SLC8A3: variants seen among roughly 807,000 people sequenced by gnomAD.
SLC8A3 encodes solute carrier family 8 member A3, also known as sodium/calcium exchanger 3.
A neutral mutation model predicts 65.4 loss-of-function variants in SLC8A3; 37 were observed. The observed-to-expected ratio is 0.57, with a 90% confidence interval of 0.44 to 0.74. The LOEUF is 0.74. Among genes scored for constraint, SLC8A3 ranks in the 30% least tolerant of loss-of-function variants. The probability of loss-of-function intolerance (pLI) is 0.00; values close to 1 mark genes in which losing one functional copy is unlikely to be tolerated. For missense variants in SLC8A3, 1,112 were observed against 1,172.1 expected (o/e 0.95, Z 0.75); for synonymous variants, 461 against 444.5 (o/e 1.04, Z -0.47).
At position 70,095,665 on chromosome 14, in the gene SLC8A3, G is replaced by C. The variant is rs139254097; in HGVS notation, c.1785-34726C>G. 1.6e-3 allele frequency among the ~76,000 whole-genome samples: 241 copies of C among 152,278 alleles called. 1 individual carries two copies. The highest frequency in any genetic ancestry group is 2.7e-3 in the Non-Finnish European group (187 of 68,026). On this transcript the variant is annotated intron_variant, in intron 2 of 6. Coordinates refer to ENST00000356921, the MANE Select transcript of SLC8A3 (RefSeq NM_182932.3). ...CCTGAAACAACGATATGTAAACTTGGGAGGGTGGATCCTGATTTTTCTATG... is the reference window on the plus strand; with the variant it reads ...CCTGAAACAACGATATGTAAACTTGCGAGGGTGGATCCTGATTTTTCTATG...
chr14:70,111,226 T>C (rs1194555284), intron 2 of SLC8A3, among the ~76,000 whole-genome samples: 1 of 152,204 alleles, frequency 6.6e-6, no homozygotes, highest in Non-Finnish European at 1.5e-5. Flanking sequence ...TGAAATAATA[T>C]CTCATTGTAG....
intron 3 of SLC8A3, 169 bp downstream of exon 3, chr14:70,060,667 G>A (rs1594908736): frequency 4.0e-6 from 3 of 748,306 alleles, no homozygotes; most frequent in South Asian, 2.7e-5. Flanking sequence ...CGAGAATACA[G>A]GAGGGAAAAG....
At chr14:70,169,184 A>G (rs1897340136) in intron 1 of SLC8A3, among the ~76,000 whole-genome samples, 1 of 152,162 alleles carries the variant, frequency 6.6e-6, no homozygotes, top group Non-Finnish European at 1.5e-5. Flanking sequence ...TTGGAAAGAA[A>G]CTTCCTCCCC....
At chr14:70,185,790 A>G (rs1883160325) in intron 1 of SLC8A3, among the ~76,000 whole-genome samples, 2 of 152,220 alleles carry the variant, frequency 1.3e-5, no homozygotes, top group African/African-American at 4.8e-5. Flanking sequence ...AATCACATAC[A>G]TAAATTTAAT....
chr14:70,069,773 G>A (rs192440074), intron 2 of SLC8A3, among the ~76,000 whole-genome samples: 5 of 152,158 alleles, frequency 3.3e-5, no homozygotes, highest in Admixed American at 1.3e-4. Context: ...TCTAATTGGC[G>A]TTCTCTTTAA....
chr14:70,050,452 A>C (rs551451089), intron 5 of SLC8A3, among the ~76,000 whole-genome samples: 4 of 152,318 alleles, frequency 2.6e-5, no homozygotes, highest in East Asian at 1.9e-4. Flanking sequence ...TCCAACCAGC[A>C]GTCCCCTCAG....
At position 70,060,817 on chromosome 14, in the gene SLC8A3, T is replaced by A. The variant is rs1261198102; in HGVS notation, c.1888+19A>T. The A allele has an allele frequency of 8.3e-7, 1 of 1,197,904 alleles. No individual in the cohort carries two copies. The highest frequency in any genetic ancestry group is 1.2e-6 in the Non-Finnish European group (1 of 813,898). The allele number at this position is 1,197,904 out of a possible 1,614,324, so 74.2% of individuals were successfully genotyped here. On this transcript the variant is annotated intron_variant, in intron 3 of 6. Transcript: ENST00000356921. ...TTCTTTCTTTTTTTTTGTTGTTTTG[T>A]TTTTAAAGAATCTCACACCTGATAT...
intron 2 of SLC8A3, among the ~76,000 whole-genome samples, chr14:70,080,807 A>T (rs2140001027): frequency 6.6e-6 from 1 of 152,316 alleles, no homozygotes; most frequent in East Asian, 1.9e-4. Context: ...AGCTGATGTA[A>T]AAAATTGCAC....
At chr14:70,147,732 A>G (rs968870000) in intron 2 of SLC8A3, among the ~76,000 whole-genome samples, 9 of 152,182 alleles carry the variant, frequency 5.9e-5, no homozygotes, top group Admixed American at 2.0e-4. Context: ...TGACCTTGGA[A>G]TCCACACCCC....
intron 1 of SLC8A3, among the ~76,000 whole-genome samples, chr14:70,181,847 G>GAGGAAA (rs1177983831): frequency 6.6e-6 from 1 of 152,204 alleles, no homozygotes; most frequent in Non-Finnish European, 1.5e-5. Flanking sequence ...TGAATTGAAA[G>GAGGAAA]AGGAAAAGGT....
chr14:70,117,387 C>A (rs1893741254), intron 2 of SLC8A3, among the ~76,000 whole-genome samples: 1 of 152,194 alleles, frequency 6.6e-6, no homozygotes, highest in African/African-American at 2.4e-5. Context: ...GCATTGTGTT[C>A]CACCTTCTGT....
chr14:70,059,682 T>C (rs769130625), intron 3 of SLC8A3, among the ~76,000 whole-genome samples: 1 of 152,118 alleles, frequency 6.6e-6, no homozygotes, highest in African/African-American at 2.4e-5. Context: ...AGGCCACTTC[T>C]CTAGTGTGGG....
At chr14:70,186,705 G>A (rs1883249977) in intron 1 of SLC8A3, among the ~76,000 whole-genome samples, 1 of 152,156 alleles carries the variant, frequency 6.6e-6, no homozygotes, top group Non-Finnish European at 1.5e-5. Context: ...GAGGGGCTGG[G>A]TTGATCAGTC....
intron 2 of SLC8A3, among the ~76,000 whole-genome samples, chr14:70,141,860 T>A (rs1196596485): frequency 6.6e-6 from 1 of 152,248 alleles, no homozygotes; most frequent in Non-Finnish European, 1.5e-5. Context: ...TCTGTCTTCC[T>A]CCCTGGCTGA....
chr14:70,087,531 A>G (rs1307457852), intron 2 of SLC8A3, among the ~76,000 whole-genome samples: 1 of 152,230 alleles, frequency 6.6e-6, no homozygotes, highest in Non-Finnish European at 1.5e-5. Flanking sequence ...CTGCCATAAA[A>G]AAGAGTTAAA....
At chr14:70,158,034 A>G (rs989425057) in intron 2 of SLC8A3, among the ~76,000 whole-genome samples, 1 of 152,234 alleles carries the variant, frequency 6.6e-6, no homozygotes, top group African/African-American at 2.4e-5. Context: ...GTTAAGATTT[A>G]AAGTGGAGAC....
At chr14:70,058,845 A>G (rs1208449874) in intron 3 of SLC8A3, among the ~76,000 whole-genome samples, 2 of 152,184 alleles carry the variant, frequency 1.3e-5, no homozygotes, top group Non-Finnish European at 2.9e-5. Context: ...TTTGCATCTA[A>G]GTAGCTTGGA....
At chr14:70,131,674 G>T (rs752377363) in intron 2 of SLC8A3, among the ~76,000 whole-genome samples, 2 of 152,238 alleles carry the variant, frequency 1.3e-5, no homozygotes, top group Non-Finnish European at 1.5e-5. Context: ...GAGCTTCTTA[G>T]ATTGCATTTG....
At chr14:70,056,786 A>C (rs940872791) in intron 3 of SLC8A3, among the ~76,000 whole-genome samples, 2 of 152,216 alleles carry the variant, frequency 1.3e-5, no homozygotes, top group South Asian at 2.1e-4. Flanking sequence ...CAAGGTCCCT[A>C]TGTGGATTGG....
Sources: allele counts gnomAD v4.1 joint callset (sites outside exome capture counted in the v4.1 genomes callset), GRCh38; gene constraint gnomAD v4.1.1; transcripts MANE v1.5; gene names NCBI Gene and HGNC (gene_info 2026-07-23, HGNC 2026-07-21).